Variants in AFAP1L2 observed in about 807,000 individuals in gnomAD.
The protein encoded by AFAP1L2 is actin filament associated protein 1 like 2.
In AFAP1L2, 46 loss-of-function variants were observed where a neutral mutation model predicts 99.3. The ratio of observed to expected loss-of-function variants is 0.46; its 90% CI spans 0.37 to 0.59. The LOEUF (loss-of-function observed/expected upper bound fraction) is 0.59. Among genes scored for constraint, AFAP1L2 ranks in the 20% least tolerant of loss-of-function variants. The pLI is 0.00. For missense variants in AFAP1L2, 959 were observed against 1,034.9 expected, an observed-to-expected ratio of 0.93 and a Z score of 1.01; for synonymous variants, 397 against 419.1, an observed-to-expected ratio of 0.95 and a Z score of 0.64.
intron 1 of AFAP1L2, among the ~76,000 whole-genome samples, chr10:114,383,843 G>C (rs1233199664): frequency 6.6e-6 from 1 of 152,152 alleles, no homozygotes; most frequent in African/African-American, 2.4e-5. Flanking sequence ...TGGTGGAAGT[G>C]GGGATTGCCA....
At chr10:114,382,280 A>ATGAACTGGTGCTCGC (rs60605466) in intron 1 of AFAP1L2, among the ~76,000 whole-genome samples, 146,157 of 152,192 alleles carry the variant, frequency 0.96, 70,475 homozygotes, top group East Asian at 1. Context: ...CCAGTGATTT[A>ATGAACTGGTGCTCGC]CATATAAAGG....
intron 1 of AFAP1L2, among the ~76,000 whole-genome samples, chr10:114,388,504 T>C (rs1341025895): frequency 6.6e-6 from 1 of 152,148 alleles, no homozygotes; most frequent in Non-Finnish European, 1.5e-5. Flanking sequence ...CGTTGACTCA[T>C]TACTCTCTGA....
chr10:114,337,581 C>A (rs757763267), intron 2 of AFAP1L2, among the ~76,000 whole-genome samples: 1 of 152,288 alleles, frequency 6.6e-6, no homozygotes, highest in East Asian at 1.9e-4. Flanking sequence ...CCACCCCCTA[C>A]GAGCTGCAGA....
intron 10 of AFAP1L2, 120 bp from the exon 11 acceptor site, chr10:114,305,050 G>C: frequency 1.4e-6 from 1 of 706,630 alleles, no homozygotes. Flanking sequence ...TGCGGGAGGG[G>C]AAGCGGATGC....
At position 114,372,957 on chromosome 10, in the gene AFAP1L2, C is replaced by A. The variant is rs1443455213; in HGVS notation, c.16+31483G>T. Reference sequence around the variant, plus strand: ...AGGCAACAGACAGCTGTGCCCCATTCCTTTTACCAGCTACGTGGTATTCCA... The same window carrying A: ...AGGCAACAGACAGCTGTGCCCCATTACTTTTACCAGCTACGTGGTATTCCA... On this transcript the variant is annotated intron_variant, in intron 1 of 18. Transcript: ENST00000304129. Among the ~76,000 whole-genome samples the A allele has an allele frequency of 2.0e-5, 3 of 152,206 alleles. No individual in the cohort carries two copies. In the East Asian group the frequency reaches 5.8e-4, roughly 29 times the overall value.
intron 16 of AFAP1L2, among the ~76,000 whole-genome samples, chr10:114,297,617 C>T (rs145297223): frequency 3.7e-4 from 57 of 152,290 alleles, no homozygotes; most frequent in African/African-American, 9.4e-4. Context: ...CTGGGAGGCT[C>T]TTGGGGAGGA....
At chr10:114,316,235 C>T (rs1416441123) in intron 5 of AFAP1L2, among the ~76,000 whole-genome samples, 3 of 152,244 alleles carry the variant, frequency 2.0e-5, no homozygotes, top group East Asian at 1.9e-4. Flanking sequence ...GAACGCCATC[C>T]GTGCTCCACC....
Position 114,295,529 on chromosome 10 carries a change from C to T in AFAP1L2, c.*513G>A. The T allele has an allele frequency of 2.0e-6, 2 of 985,570 alleles. No homozygotes were observed. Among genetic ancestry groups the T allele is most frequent in the Non-Finnish European group, 1.2e-6 (1 of 830,110 alleles). The allele number at this position is 985,570 out of a possible 1,614,324, so 61.1% of individuals were successfully genotyped here. A position where few individuals can be genotyped will look rare whatever the true frequency, so the allele number is the denominator to read the frequency against. Reference sequence around the variant, plus strand: ...AGATGATGTCAATGCTGTTTAAAATCACTGAAGACTGAGTTGGGCCTGGTA... The same window carrying T: ...AGATGATGTCAATGCTGTTTAAAATTACTGAAGACTGAGTTGGGCCTGGTA... On this transcript the variant is annotated 3_prime_UTR_variant, in exon 19 of 19. Transcript: ENST00000304129.
chr10:114,323,333 G>A (rs80159098), intron 4 of AFAP1L2, 72 bp from the exon 5 acceptor site: 16 of 1,375,632 alleles, frequency 1.2e-5, no homozygotes, highest in African/African-American at 8.7e-5. Context: ...ATAACTCTTC[G>A]GGTGGAAGTC....
At chr10:114,341,893 A>G (rs4453137) in intron 1 of AFAP1L2, among the ~76,000 whole-genome samples, 105,353 of 152,074 alleles carry the variant, frequency 0.69, 38,811 homozygotes, top group East Asian at 0.92. Context: ...AGAATTTGAG[A>G]GGCATAAGGC....
At chr10:114,286,943 TACAC>T in the AFAP1L2 span, among the ~76,000 whole-genome samples, 10 of 152,174 alleles carry the variant, frequency 6.6e-5, no homozygotes, top group East Asian at 1.9e-4. Flanking sequence ...TATGCACACA[TACAC>T]ACACGGATGC....
At chr10:114,335,829 G>A (rs1417925255) in intron 2 of AFAP1L2, among the ~76,000 whole-genome samples, 1 of 152,134 alleles carries the variant, frequency 6.6e-6, no homozygotes, top group African/African-American at 2.4e-5. Flanking sequence ...ATGTGTGCAT[G>A]CAGCAATTCT....
rs765061002 is a variant in AFAP1L2 at position 114,304,974 on chromosome 10, A to AG, written c.1073-45dup. On this transcript the variant is annotated intron_variant, in intron 10 of 18. Transcript: ENST00000304129. ...ATGCAGGAGGGGACAGGGCTGCAGG[A>AG]GGGGACGCAGATGCAGGAGGGGGCG... 3 of 898,696 alleles carry AG rather than the reference A, an allele frequency of 3.3e-6. No individual in the cohort carries two copies. In the East Asian group the frequency reaches 1.7e-4, roughly 52 times the overall value. The allele number at this position is 898,696 out of a possible 1,614,324, so 55.7% of individuals were successfully genotyped here.
chr10:114,353,443 G>T (rs958125352), intron 1 of AFAP1L2, among the ~76,000 whole-genome samples: 1 of 152,186 alleles, frequency 6.6e-6, no homozygotes, highest in Non-Finnish European at 1.5e-5. Context: ...CTAGCACATT[G>T]TTGGACCCCA....
chr10:114,315,113 C>T (rs1371787314), intron 6 of AFAP1L2, among the ~76,000 whole-genome samples: 1 of 152,134 alleles, frequency 6.6e-6, no homozygotes, highest in Non-Finnish European at 1.5e-5. Flanking sequence ...TGCACTGCAG[C>T]CTGGGCGACA....
intron 1 of AFAP1L2, among the ~76,000 whole-genome samples, chr10:114,343,649 C>T (rs1220481256): frequency 6.6e-6 from 1 of 152,208 alleles, no homozygotes; most frequent in Non-Finnish European, 1.5e-5. Flanking sequence ...GCATGGGTCA[C>T]AGGAGCTTCT....
chr10:114,368,398 C>T (rs115826751), intron 1 of AFAP1L2, among the ~76,000 whole-genome samples: 563 of 152,048 alleles, frequency 3.7e-3, no homozygotes, highest in African/African-American at 0.013. Flanking sequence ...ATAATAACAG[C>T]GTATTGGTTT....
At chr10:114,398,657 GC>G (rs1411476515) in intron 1 of AFAP1L2, among the ~76,000 whole-genome samples, 1 of 152,274 alleles carries the variant, frequency 6.6e-6, no homozygotes, top group Non-Finnish European at 1.5e-5. Flanking sequence ...TAATTGACTT[GC>G]CCAAGGTCGC....
intron 1 of AFAP1L2, among the ~76,000 whole-genome samples, chr10:114,388,206 G>A (rs1288730791): frequency 3.3e-5 from 5 of 152,204 alleles, no homozygotes; most frequent in African/African-American, 1.2e-4. Flanking sequence ...CTGCATGAAA[G>A]CTCCCTCGCA....
Sources: gnomAD v4.1 joint callset for allele counts (sites outside exome capture counted in the v4.1 genomes callset) on GRCh38, gnomAD v4.1.1 for gene constraint, MANE v1.5 for transcripts, NCBI Gene and HGNC (gene_info 2026-07-23, HGNC 2026-07-21) for gene names.